TECRL: variants seen among roughly 807,000 people sequenced by gnomAD.
The protein encoded by TECRL is trans-2,3-enoyl-CoA reductase-like.
In TECRL, 63 loss-of-function variants were observed where a neutral mutation model predicts 52.8. The observed-to-expected ratio is 1.19, with a 90% CI of 0.97 to 1.47. The LOEUF is 1.47. TECRL is among the 40% of genes most tolerant of loss of function. TECRL has a pLI of 0.00. For missense variants in TECRL, 482 were observed against 429.6 expected (o/e 1.12, Z -1.08); for synonymous variants, 164 against 141.9 (o/e 1.16, Z -1.10).
intron 2 of TECRL, among the ~76,000 whole-genome samples, chr4:64,358,570 C>T (rs1720948700): frequency 6.6e-6 from 1 of 151,508 alleles, no homozygotes; most frequent in Non-Finnish European, 1.5e-5. Context: ...AAAATGCTAG[C>T]AGTAAGTGTA....
chr4:64,371,989 C>G (rs985983540), intron 2 of TECRL, among the ~76,000 whole-genome samples: 2 of 151,820 alleles, frequency 1.3e-5, no homozygotes, highest in Non-Finnish European at 3.0e-5. Flanking sequence ...TTTAAAATAT[C>G]TTTAAAATGT....
At chr4:64,359,833 A>T (rs1258927008) in intron 2 of TECRL, among the ~76,000 whole-genome samples, 1 of 152,146 alleles carries the variant, frequency 6.6e-6, no homozygotes, top group Non-Finnish European at 1.5e-5. Flanking sequence ...ATATAGCAAT[A>T]TAAATTTGAC....
chr4:64,292,476 C>T (rs971099058), intron 8 of TECRL, among the ~76,000 whole-genome samples: 4 of 151,796 alleles, frequency 2.6e-5, no homozygotes, highest in African/African-American at 7.2e-5. Context: ...ACTAAGAAAA[C>T]ATTGCCCAGA....
chr4:64,406,946 T>G (rs957593546), intron 1 of TECRL, among the ~76,000 whole-genome samples: 1 of 151,364 alleles, frequency 6.6e-6, no homozygotes, highest in African/African-American at 2.4e-5. Context: ...ACATCAGGAA[T>G]AATAATAATA....
chr4:64,305,895 C>T (rs1020333302), intron 6 of TECRL, among the ~76,000 whole-genome samples: 9 of 152,160 alleles, frequency 5.9e-5, no homozygotes, highest in African/African-American at 2.2e-4. Context: ...TTACAACCCT[C>T]TTCATGTCCC....
intron 3 of TECRL, among the ~76,000 whole-genome samples, chr4:64,324,832 C>A (rs1237787916): frequency 6.6e-6 from 1 of 152,004 alleles, no homozygotes; most frequent in African/African-American, 2.4e-5. Context: ...GAATGTAGTC[C>A]TGTGTTTACC....
intron 5 of TECRL, among the ~76,000 whole-genome samples, chr4:64,314,191 A>G (rs1049275790): frequency 1.3e-4 from 19 of 151,768 alleles, no homozygotes; most frequent in African/African-American, 4.3e-4. Context: ...AAATAAAAAT[A>G]AATAAAAAGT....
At chr4:64,345,863 C>T (rs1020069649) in intron 2 of TECRL, among the ~76,000 whole-genome samples, 1 of 110,440 alleles carries the variant, frequency 9.1e-6, no homozygotes, top group Non-Finnish European at 1.7e-5. Flanking sequence ...ACATCTTCTT[C>T]CACTGTAATA....
chr4:64,327,496 C>A (rs1718341562), intron 3 of TECRL, among the ~76,000 whole-genome samples: 1 of 152,014 alleles, frequency 6.6e-6, no homozygotes, highest in Non-Finnish European at 1.5e-5. Context: ...CACTTATGTG[C>A]TGACATGTGC....
At chr4:64,316,617 A>T (rs1026810311) in intron 4 of TECRL, among the ~76,000 whole-genome samples, 5 of 152,150 alleles carry the variant, frequency 3.3e-5, no homozygotes, top group African/African-American at 1.2e-4. Flanking sequence ...CTTTTCTACT[A>T]AAGGGAAATA....
At chr4:64,400,680 T>A (rs1724293556) in intron 1 of TECRL, among the ~76,000 whole-genome samples, 1 of 152,014 alleles carries the variant, frequency 6.6e-6, no homozygotes, top group South Asian at 2.1e-4. Flanking sequence ...AGTGAGTGAG[T>A]TCTTGCAGGA....
intron 2 of TECRL, among the ~76,000 whole-genome samples, chr4:64,343,808 A>G (rs1167596846): frequency 6.6e-6 from 1 of 152,100 alleles, no homozygotes; most frequent in South Asian, 2.1e-4. Flanking sequence ...TCAGTTTGTC[A>G]AAAGATTAAC....
At chr4:64,351,727 T>TA (rs972574556) in intron 2 of TECRL, among the ~76,000 whole-genome samples, 4 of 152,202 alleles carry the variant, frequency 2.6e-5, no homozygotes, top group African/African-American at 9.7e-5. Flanking sequence ...TATGAATTGA[T>TA]AAAAAAGATT....
At chr4:64,382,831 C>T (rs977326296) in intron 1 of TECRL, among the ~76,000 whole-genome samples, 16 of 151,862 alleles carry the variant, frequency 1.1e-4, no homozygotes, top group African/African-American at 2.9e-4. Context: ...TTTTCTGTAG[C>T]GGTAACATTT....
intron 1 of TECRL, among the ~76,000 whole-genome samples, chr4:64,408,282 C>T (rs1188768010): frequency 6.6e-6 from 1 of 151,764 alleles, no homozygotes; most frequent in African/African-American, 2.4e-5. Context: ...AACACAGCAA[C>T]AAAAACGTAT....
chr4:64,294,496 C>A (rs1333951868), intron 8 of TECRL, among the ~76,000 whole-genome samples: 1 of 152,016 alleles, frequency 6.6e-6, no homozygotes, highest in South Asian at 2.1e-4. Context: ...AGCTAGACAT[C>A]AAAATATGCC....
chr4:64,280,254 A>C (rs570357790), intron 11 of TECRL, 55 bp from the exon 12 acceptor site: 1 of 1,265,258 alleles, frequency 7.9e-7, no homozygotes, highest in Admixed American at 2.8e-5. Flanking sequence ...GAAATGTTAT[A>C]TTAGGAAAAG....
downstream of TECRL, chr4:64,277,031 T>A (rs1722596900): frequency 2.0e-6 from 3 of 1,494,670 alleles, no homozygotes; most frequent in Middle Eastern, 1.7e-4. Context: ...TTTCTTTTGA[T>A]GTCTTAGGCA....
intron 4 of TECRL, among the ~76,000 whole-genome samples, chr4:64,317,875 A>G (rs1717616121): frequency 6.6e-6 from 1 of 152,194 alleles, no homozygotes. Context: ...CTTGCATAAG[A>G]AGCCTCATAT....
Sources: allele counts gnomAD v4.1 joint callset (sites outside exome capture counted in the v4.1 genomes callset), GRCh38; gene constraint gnomAD v4.1.1; transcripts MANE v1.5; gene names NCBI Gene and HGNC (gene_info 2026-07-23, HGNC 2026-07-21).